Variants in ERG28 observed in about 807,000 individuals in gnomAD.
The protein encoded by ERG28 is ergosterol biosynthesis 28 homolog.
Under a neutral mutation model 15.7 loss-of-function variants are expected in ERG28, and 9 were observed. The ratio of observed to expected loss-of-function variants is 0.57; its 90% CI spans 0.35 to 1.00. The LOEUF is 1.00. ERG28 is among the 50% of genes least tolerant of loss of function. The probability of loss-of-function intolerance (pLI) is 0.02; values close to 1 mark genes in which losing one functional copy is unlikely to be tolerated. For missense variants in ERG28, 117 were observed against 173.3 expected (o/e 0.68, Z 1.82); for synonymous variants, 61 against 68.4 (o/e 0.89, Z 0.53).
At chr14:75,654,255 ACCTG>A in intron 3 of ERG28, among the ~76,000 whole-genome samples, 1 of 152,348 alleles carries the variant, frequency 6.6e-6, no homozygotes, top group Admixed American at 6.5e-5. Flanking sequence ...TCCCTCGGTG[ACCTG>A]AACAAACTGT....
At chr14:75,654,415 T>C (rs1383375749) in intron 3 of ERG28, among the ~76,000 whole-genome samples, 1 of 152,208 alleles carries the variant, frequency 6.6e-6, no homozygotes, top group Admixed American at 6.5e-5. Context: ...TCAGGAGCCC[T>C]AGCTTCTCTT....
chr14:75,659,743 AGTG>A (rs1876539104), intron 1 of ERG28, among the ~76,000 whole-genome samples: 1 of 152,116 alleles, frequency 6.6e-6, no homozygotes, highest in African/African-American at 2.4e-5. Flanking sequence ...TTGGGCCTGA[AGTG>A]GTAATAAACT....
intron 3 of ERG28, 79 bp downstream of exon 3, chr14:75,654,807 C>T (rs1890576029): frequency 7.2e-7 from 1 of 1,388,854 alleles, no homozygotes; most frequent in African/African-American, 1.4e-5. Context: ...TTAACAGTTC[C>T]CATTACTCAA....
At chr14:75,656,660 A>C (rs1283987675) in intron 2 of ERG28, among the ~76,000 whole-genome samples, 1 of 152,180 alleles carries the variant, frequency 6.6e-6, no homozygotes, top group Non-Finnish European at 1.5e-5. Flanking sequence ...ATCTGCTGTG[A>C]AACAGTGCTG....
chr14:75,660,426 T>C (rs2071153268), intron 1 of ERG28, among the ~76,000 whole-genome samples: 1 of 152,168 alleles, frequency 6.6e-6, no homozygotes, highest in South Asian at 2.1e-4. Context: ...GGGTAAGTCA[T>C]TTACACTTTT....
Position 75,651,467 on chromosome 14 carries a change from T to A in ERG28, c.*88A>T, listed in dbSNP as rs1398166290. On this transcript the variant is annotated 3_prime_UTR_variant, in exon 5 of 5. Transcript: ENST00000256319. ...GTGAATAAAAGGGCAGATGATGGAA[T>A]AGAAAAGAAATTAAAGAGGAGAGAC... is the stretch of plus-strand genomic sequence containing the variant. 9 of 1,310,956 alleles carry A rather than the reference T, an allele frequency of 6.9e-6. No homozygotes were observed. In the South Asian group the frequency reaches 9.2e-5, roughly 13 times the overall value. The allele number at this position is 1,310,956 out of a possible 1,614,324, so 81.2% of individuals were successfully genotyped here. A position where few individuals can be genotyped will look rare whatever the true frequency, so the allele number is the denominator to read the frequency against.
intron 1 of ERG28, 84 bp from the exon 2 acceptor site, chr14:75,657,617 G>C: frequency 1.2e-5 from 15 of 1,289,330 alleles, no homozygotes; most frequent in African/African-American, 1.5e-5. Flanking sequence ...AATGAAGCAG[G>C]CCAAAAAAAG....
intron 3 of ERG28, among the ~76,000 whole-genome samples, chr14:75,652,528 CTTTG>C (rs1890540677): frequency 2.6e-5 from 4 of 152,196 alleles, no homozygotes; most frequent in Admixed American, 2.6e-4. Context: ...TGACTGACCA[CTTTG>C]TTTGCTGATA....
chr14:75,651,429 A>C lies in ERG28; in HGVS notation c.*126T>G. On this transcript the variant is annotated 3_prime_UTR_variant, in exon 5 of 5. Transcript: ENST00000256319. ...TATCTTTAAATTTTAAAAATTAAAA[A>C]AAGAGGCTAAAAGTGAATAAAAGGG... is the stretch of plus-strand genomic sequence containing the variant. 3 of 916,708 alleles carry C rather than the reference A, an allele frequency of 3.3e-6. No individual in the cohort carries two copies. Among genetic ancestry groups the C allele is most frequent in the Non-Finnish European group, 3.3e-6 (2 of 600,764 alleles). 56.8% of individuals were successfully genotyped at this position (916,708 alleles called of 1,614,324 possible).
intron 2 of ERG28, among the ~76,000 whole-genome samples, chr14:75,656,295 C>T (rs1243331286): frequency 6.8e-6 from 1 of 147,792 alleles, no homozygotes; most frequent in African/African-American, 2.6e-5. Flanking sequence ...CACACACACA[C>T]ACACACACAC....
chr14:75,657,179 T>C (rs774169536), intron 2 of ERG28, among the ~76,000 whole-genome samples, 191 bp downstream of exon 2: 34 of 152,138 alleles, frequency 2.2e-4, no homozygotes, highest in Non-Finnish European at 3.7e-4. Context: ...CAGAATCATC[T>C]GGGAAGTGTT....
chr14:75,656,004 C>A (rs981036576), intron 2 of ERG28, among the ~76,000 whole-genome samples: 2 of 152,120 alleles, frequency 1.3e-5, no homozygotes, highest in African/African-American at 4.8e-5. Flanking sequence ...CCCAAATTCA[C>A]AATACTGAAG....
chr14:75,651,891 T>A lies in ERG28; in HGVS notation c.225-2A>T. On this transcript the variant is annotated splice_acceptor_variant, in intron 3 of 4. Transcript: ENST00000256319. LOFTEE classifies it high-confidence loss of function. ...GTCCAGAGTGTGATGTGATAGAGCC[T>A]ATAAGGAAGCAGACAGAAATGGGAA... 6.3e-7 allele frequency: 1 copy of A among 1,598,754 alleles called. No homozygotes were observed. The highest frequency in any genetic ancestry group is 8.6e-7 in the Non-Finnish European group (1 of 1,166,030).
intron 1 of ERG28, among the ~76,000 whole-genome samples, chr14:75,659,905 A>C (rs1890657935): frequency 6.6e-6 from 1 of 151,674 alleles, no homozygotes; most frequent in Admixed American, 6.6e-5. Flanking sequence ...ACAAGCAATA[A>C]AGAGATCTAG....
intron 3 of ERG28, among the ~76,000 whole-genome samples, chr14:75,654,297 C>T (rs1448058619): frequency 6.6e-6 from 1 of 152,198 alleles, no homozygotes; most frequent in African/African-American, 2.4e-5. Context: ...TGATGACTCC[C>T]GCTGGGAAGA....
At position 75,651,328 on chromosome 14, in the gene ERG28, G is replaced by C; in HGVS notation, c.*227C>G. The C allele has an allele frequency of 2.8e-6, 1 of 362,496 alleles. No homozygotes were observed. Among genetic ancestry groups the C allele is most frequent in the Non-Finnish European group, 4.9e-6 (1 of 202,470 alleles). The allele number at this position is 362,496 out of a possible 1,614,324, so 22.5% of individuals were successfully genotyped here. On this transcript the variant is annotated 3_prime_UTR_variant, in exon 5 of 5. Coordinates refer to ENST00000256319, the MANE Select transcript of ERG28 (RefSeq NM_007176.4). ...CGAGAAGCTGGCAATTTCTTGACTT[G>C]GATGGAGTTACGTAGTATTCACTTT...
intron 2 of ERG28, among the ~76,000 whole-genome samples, chr14:75,657,020 T>C (rs1180952964): frequency 2.0e-5 from 2 of 102,008 alleles, no homozygotes; most frequent in African/African-American, 5.4e-5. Context: ...CTTATAATGC[T>C]TTTTTTTTTT....
intron 1 of ERG28, among the ~76,000 whole-genome samples, chr14:75,658,496 T>C (rs1260392839): frequency 6.6e-6 from 1 of 152,166 alleles, no homozygotes; most frequent in Admixed American, 6.5e-5. Flanking sequence ...GACAAGAGAC[T>C]GATTTCAGTA....
chr14:75,655,988 A>T (rs192127375), intron 2 of ERG28, among the ~76,000 whole-genome samples: 1 of 152,362 alleles, frequency 6.6e-6, no homozygotes, highest in East Asian at 1.9e-4. Context: ...AAAATCAGAC[A>T]GCTCTCCCAA....
Sources: gnomAD v4.1 joint callset for allele counts (sites outside exome capture counted in the v4.1 genomes callset) on GRCh38, gnomAD v4.1.1 for gene constraint, MANE v1.5 for transcripts, NCBI Gene and HGNC (gene_info 2026-07-23, HGNC 2026-07-21) for gene names.